Variants in PPL observed in about 807,000 individuals in gnomAD.
PPL encodes the protein periplakin, also known as 190 kDa paraneoplastic pemphigus antigen.
In PPL, 198 loss-of-function variants were observed where a neutral mutation model predicts 194.4. The observed-to-expected ratio is 1.02, with a 90% CI of 0.91 to 1.15. PPL has a LOEUF of 1.15. PPL is among the 50% of genes most tolerant of loss of function. The pLI, the probability that PPL is intolerant of heterozygous loss-of-function variation, is 0.00. For synonymous variants in PPL, 1,220 were observed against 972.4 expected (o/e 1.25, Z -4.74); for missense variants, 2,885 against 2,294.8 (o/e 1.26, Z -5.25).
intron 1 of PPL, 104 bp downstream of exon 1, chr16:4,936,880 G>C (rs1019670291): frequency 1.7e-6 from 2 of 1,189,378 alleles, no homozygotes; most frequent in East Asian, 6.2e-5. Flanking sequence ...CCGGTTCCTG[G>C]ACCCCCGTAC....
Position 4,887,011 on chromosome 16 carries a change from C to T in PPL, c.2607+124G>A, listed in dbSNP as rs138766650. On this transcript the variant is annotated intron_variant, in intron 21 of 21. Transcript: ENST00000345988. ...GGCTCGGGCCAGTCTTTGCATTGGC[C>T]CTGCCCAGAAACGTTAGCAAGGGGA... 6.2e-6 allele frequency: 5 copies of T among 811,006 alleles called. No individual in the cohort carries two copies. In the African/African-American group the frequency reaches 6.7e-5, roughly 11 times the overall value. 50.2% of individuals were successfully genotyped at this position (811,006 alleles called of 1,614,324 possible).
chr16:4,895,428 G>A, intron 10 of PPL, 21 bp from the exon 11 acceptor site: 1 of 1,609,984 alleles, frequency 6.2e-7, no homozygotes, highest in Non-Finnish European at 8.5e-7. Context: ...CGGGGTCAGG[G>A]GCCCAGGTGA....
intron 21 of PPL, among the ~76,000 whole-genome samples, chr16:4,886,619 GTTTC>G (rs896619069): frequency 1.3e-5 from 2 of 152,286 alleles, no homozygotes; most frequent in East Asian, 1.9e-4. Context: ...ACTTTCTTTT[GTTTC>G]TTTCTTTTTT....
rs978874789 is a variant in PPL, at chr16:4,883,010, G to A, written c.*374C>T. 1.5e-5 allele frequency: 4 copies of A among 262,100 alleles called. No individual in the cohort carries two copies. The highest frequency in any genetic ancestry group is 3.0e-5 in the Non-Finnish European group (4 of 135,010). 16.2% of individuals were successfully genotyped at this position (262,100 alleles called of 1,614,324 possible). A position where few individuals can be genotyped will look rare whatever the true frequency, so the allele number is the denominator to read the frequency against. ...AGTGTCACTGTCTGGTGTGCCACCA[G>A]TACCCATGCTGCAAGGAGTGGGCTT... On this transcript the variant is annotated 3_prime_UTR_variant, in exon 22 of 22. Coordinates refer to ENST00000345988, the MANE Select transcript of PPL (RefSeq NM_002705.5). This position sits in a 1 kb window ranked among gnomAD's most constrained non-coding sequence, Gnocchi z 4.8.
chr16:4,893,306 G>A lies in PPL; in HGVS notation c.1557C>T (p.Asp519=). The change falls in exon 14 of 22, where the codon GAC becomes GAT. Residue 519 remains aspartate, a synonymous_variant. Transcript: ENST00000345988. ...TCCCTGTGATGGCCTTCTCCTGCCG[G>A]TCCAGGTCGCTGGCCACCTTGTCCA... ...AGLDKVASDL[D]RQEKAITGIL... is the part of the protein sequence containing the mutation. The A allele has an allele frequency of 6.2e-6, 10 of 1,607,560 alleles. No homozygotes were observed. The highest frequency in any genetic ancestry group is 8.5e-6 in the Non-Finnish European group (10 of 1,179,274).
chr16:4,892,065 AGGTGCTCGTATTTCC>A lies in PPL; in HGVS notation c.1784_1798del (p.Arg595_His599del). 1 of 1,613,714 alleles carries A rather than the reference AGGTGCTCGTATTTCC, an allele frequency of 6.2e-7. No individual in the cohort carries two copies. On this transcript the variant is annotated inframe_deletion, in exon 15 of 22. Transcript: ENST00000345988. ...CTGGGCCAAGTCCAGCAGCTGCAGG[AGGTGCTCGTATTTCC>A]GGTTGGTGTCCTCCACCCGGGTCCT... is the stretch of plus-strand genomic sequence containing the variant.
intron 3 of PPL, among the ~76,000 whole-genome samples, chr16:4,903,185 C>G (rs911031356): frequency 6.6e-5 from 10 of 152,070 alleles, no homozygotes; most frequent in African/African-American, 2.2e-4. Context: ...GAGCCCTGCC[C>G]TTGCCGGGGT....
rs1395382207 is a variant in PPL at position 4,885,195 on chromosome 16, G to C, written c.3460C>G (p.Leu1154Val). The stretch of plus-strand genomic sequence containing the variant: ...TCCAAGGCCCATATCTTTCGGAGCA[G>C]CTCCGTCTTCTCCCTCTGGCTAGCG... ...ARASQREKTE[L>V]LRKIWALEEE... is the part of the protein sequence containing the mutation. The change falls in exon 22 of 22, where the codon CTG becomes GTG. Residue 1154 changes from leucine to valine, a missense_variant. Physicochemically the swap from Leu to Val is conservative, Grantham distance 32. Transcript: ENST00000345988. This position sits in a 1 kb window ranked among gnomAD's most constrained non-coding sequence, Gnocchi z 6.3. 4.3e-6 allele frequency: 7 copies of C among 1,614,044 alleles called. No individual in the cohort carries two copies. Among genetic ancestry groups the C allele is most frequent in the Non-Finnish European group, 5.9e-6 (7 of 1,180,026 alleles).
chr16:4,914,009 T>C (rs1164144388), intron 1 of PPL, among the ~76,000 whole-genome samples: 3 of 152,158 alleles, frequency 2.0e-5, no homozygotes, highest in Non-Finnish European at 1.5e-5. Context: ...CAGGGGAACC[T>C]CTGGACTGGC....
chr16:4,888,729 T>G lies in PPL; in HGVS notation c.2397+249A>C, dbSNP rs1309199055. The G allele has an allele frequency of 6.5e-6, 3 of 462,650 alleles. No homozygotes were observed. The East Asian group carries it at 9.3e-5, about 14-fold the overall frequency. The allele number at this position is 462,650 out of a possible 1,614,324, so 28.7% of individuals were successfully genotyped here. A position where few individuals can be genotyped will look rare whatever the true frequency, so the allele number is the denominator to read the frequency against. On this transcript the variant is annotated intron_variant, in intron 19 of 21. Transcript: ENST00000345988. ...TATCCTGCATTTTTTTTTTTGTACT[T>G]TTTCCTTAAGGATAAATTCCCCCAA...
At chr16:4,935,455 A>G (rs2089284430) in intron 1 of PPL, among the ~76,000 whole-genome samples, 1 of 152,164 alleles carries the variant, frequency 6.6e-6, no homozygotes, top group African/African-American at 2.4e-5. Flanking sequence ...CAATTGTGCA[A>G]TGCCCCAGGG....
chr16:4,920,852 C>T (rs529490979), intron 1 of PPL, among the ~76,000 whole-genome samples: 77 of 152,290 alleles, frequency 5.1e-4, no homozygotes, highest in African/African-American at 1.8e-3. Context: ...ATGCTCCTGA[C>T]TTGGCCTCCT....
intron 1 of PPL, among the ~76,000 whole-genome samples, chr16:4,915,440 C>T (rs1353457460): frequency 6.6e-6 from 1 of 152,240 alleles, no homozygotes; most frequent in Admixed American, 6.5e-5. Context: ...TGGGCTTTGC[C>T]AGACCTCAGA....
intron 14 of PPL, 159 bp downstream of exon 14, chr16:4,893,054 C>G: frequency 5.3e-6 from 5 of 944,844 alleles, no homozygotes; most frequent in Non-Finnish European, 6.0e-6. Flanking sequence ...GCCCTGCCAC[C>G]TCCATGACTT....
rs150735451 is a variant in PPL at position 4,884,642 on chromosome 16, C to T, written c.4013G>A (p.Arg1338Gln). The change falls in exon 22 of 22, where the codon CGG becomes CAG. Residue 1338 changes from arginine to glutamine, a missense_variant. By Grantham distance (43) the Arg-to-Gln change is conservative. Transcript: ENST00000345988. The surrounding 1 kb of genome is among the most constrained non-coding windows in gnomAD (Gnocchi z 5.7). ...CACCCGCGAGAGCTCCTCCTCTTTC[C>T]GGGCGATCTGCTCTTCCTGGGAAGC... ...ERASQEEQIA[R>Q]KEEELSRVKE... is the part of the protein sequence containing the mutation. 48 of 1,614,112 alleles carry T rather than the reference C, an allele frequency of 3.0e-5. No homozygotes were observed. In the African/African-American group the frequency reaches 3.5e-4, roughly 12 times the overall value.
At chr16:4,897,026 T>C (rs1474008653) in intron 9 of PPL, among the ~76,000 whole-genome samples, 1 of 152,070 alleles carries the variant, frequency 6.6e-6, no homozygotes, top group African/African-American at 2.4e-5. Flanking sequence ...TGAATGCCAC[T>C]GAATTGTACA....
In PPL at chr16:4,885,570, C is replaced by T. The variant is rs1191188752; in HGVS notation, c.3085G>A (p.Ala1029Thr). Residue 1029 changes from alanine to threonine, a missense_variant, in exon 22 of 22, where the codon GCA (alanine) becomes ACA (threonine). Physicochemically the swap from Ala to Thr is moderately conservative, Grantham distance 58 (BLOSUM62 0). Coordinates refer to ENST00000345988, the MANE Select transcript of PPL (RefSeq NM_002705.5). This position sits in a 1 kb window ranked among gnomAD's most constrained non-coding sequence, Gnocchi z 6.3. ...CGCTGCTGCAGGAGGAGCACCTCTGCCTCCCGGGCGCCCTTCTGCCGCCTC... is the reference window on the plus strand; with the variant it reads ...CGCTGCTGCAGGAGGAGCACCTCTGTCTCCCGGGCGCCCTTCTGCCGCCTC... Reference protein sequence around the residue: ...ALRRQKGAREAEVLLLQQRVA... With the variant: ...ALRRQKGARETEVLLLQQRVA... 8 of 1,610,998 alleles carry T rather than the reference C, an allele frequency of 5.0e-6. No homozygotes were observed. In the East Asian group the frequency reaches 1.3e-4, roughly 27 times the overall value.
Position 4,885,164 on chromosome 16 carries a change from T to C in PPL, c.3491A>G (p.Glu1164Gly). 1 of 1,613,842 alleles carries C rather than the reference T, an allele frequency of 6.2e-7. No homozygotes were observed. Among genetic ancestry groups the C allele is most frequent in the Non-Finnish European group, 8.5e-7 (1 of 1,179,882 alleles). ...CTCCTGCACCACCACTTTGGCGTTC[T>C]CCTCCTCCAAGGCCCATATCTTTCG... ...LLRKIWALEE[E>G]NAKVVVQEKV... Residue 1164 changes from glutamate to glycine, a missense_variant, in exon 22 of 22, where the codon GAG becomes GGG. Glu to Gly is a moderately conservative substitution (Grantham distance 98). Transcript: ENST00000345988. The surrounding 1 kb of genome is among the most constrained non-coding windows in gnomAD (Gnocchi z 6.3).
At chr16:4,900,433 C>CTTTTTTT (rs2088537770) in intron 6 of PPL, among the ~76,000 whole-genome samples, 1 of 35,102 alleles carries the variant, frequency 2.8e-5, no homozygotes, top group African/African-American at 7.1e-5. Flanking sequence ...TTACTGCACG[C>CTTTTTTT]CTTTTTTTTT....
Sources: gnomAD v4.1 joint callset for allele counts (sites outside exome capture counted in the v4.1 genomes callset) on GRCh38, gnomAD v4.1.1 for gene constraint, Gnocchi (gnomAD v3.1) non-coding constraint, MANE v1.5 for transcripts, NCBI Gene and HGNC (gene_info 2026-07-23, HGNC 2026-07-21) for gene names.